The following MACROD1 variants were observed in gnomAD, a reference collection of about 807,000 sequenced individuals.
MACROD1 encodes mono-ADP ribosylhydrolase 1.
In MACROD1, 31 loss-of-function variants were observed where a neutral mutation model predicts 41.4. That is an observed-to-expected ratio of 0.75 (90% CI 0.56 to 1.01). The LOEUF (loss-of-function observed/expected upper bound fraction) is 1.01, where lower values mean the gene tolerates loss of function less well. Among genes scored for constraint, MACROD1 ranks in the 50% least tolerant of loss-of-function variants. MACROD1 has a pLI of 0.00. For missense variants in MACROD1, 473 were observed against 460.0 expected (o/e 1.03, Z -0.26); for synonymous variants, 252 against 203.4 (o/e 1.24, Z -2.03).
At chr11:64,052,352 T>A (rs1056969106) in intron 3 of MACROD1, among the ~76,000 whole-genome samples, 23 of 152,320 alleles carry the variant, frequency 1.5e-4, no homozygotes, top group Non-Finnish European at 1.2e-4. Flanking sequence ...TTTTTAAAAA[T>A]TTTTAAAGAG....
chr11:64,147,907 TA>T (rs1301697743), intron 3 of MACROD1, among the ~76,000 whole-genome samples: 5 of 152,014 alleles, frequency 3.3e-5, no homozygotes, highest in African/African-American at 4.8e-5. Flanking sequence ...CATGCCGTAT[TA>T]TTTTTTTTTT....
chr11:64,050,596 G>T (rs905485429), intron 3 of MACROD1, among the ~76,000 whole-genome samples: 2 of 152,184 alleles, frequency 1.3e-5, no homozygotes, highest in African/African-American at 4.8e-5. Context: ...ACACAGTGAG[G>T]GCTGTCCAGC....
At chr11:64,148,033 C>T (rs1945520419) in intron 3 of MACROD1, among the ~76,000 whole-genome samples, 1 of 152,114 alleles carries the variant, frequency 6.6e-6, no homozygotes, top group African/African-American at 2.4e-5. Flanking sequence ...GCTACTACGT[C>T]CCGCCCAGGG....
intron 3 of MACROD1, among the ~76,000 whole-genome samples, chr11:64,071,888 G>A (rs1227471799): frequency 6.6e-6 from 1 of 152,172 alleles, no homozygotes; most frequent in African/African-American, 2.4e-5. Context: ...GCCCTGGGAG[G>A]GCGCCTCAAG....
intron 10 of MACROD1, 41 bp from the exon 11 acceptor site, chr11:63,998,728 C>G: frequency 7.1e-7 from 1 of 1,413,286 alleles, no homozygotes; most frequent in Non-Finnish European, 9.2e-7. Context: ...TGGGCGTCCC[C>G]GACCTCCCAG....
In MACROD1 at chr11:64,165,822, G is replaced by C. The variant is rs975607214; in HGVS notation, c.173C>G (p.Ser58Trp). 6.7e-7 allele frequency: 1 copy of C among 1,482,960 alleles called. No homozygotes were observed. Among genetic ancestry groups the C allele is most frequent in the Middle Eastern group, 2.0e-4 (1 of 5,006 alleles). 91.9% of individuals were successfully genotyped at this position (1,482,960 alleles called of 1,614,324 possible). The change falls in exon 1 of 11, where the codon TCG becomes TGG. Residue 58 changes from serine (S) to tryptophan (W), a missense_variant. Ser to Trp is a radical substitution (Grantham distance 177). Coordinates refer to ENST00000255681, the MANE Select transcript of MACROD1 (RefSeq NM_014067.4). ...LGVFGRRART[S>W]AGVGAWGAAA... Reference sequence around the variant, plus strand: ...CGCCCCCCACGCCCCAACTCCCGCCGAGGTCCGCGCACGGCGGCCGAACAC... The same window carrying C: ...CGCCCCCCACGCCCCAACTCCCGCCCAGGTCCGCGCACGGCGGCCGAACAC...
chr11:64,048,929 A>G (rs920806069), intron 3 of MACROD1, among the ~76,000 whole-genome samples: 14 of 151,756 alleles, frequency 9.2e-5, no homozygotes, highest in East Asian at 1.9e-4. Context: ...CAGACCCTCA[A>G]AGCAGTCTGG....
intron 3 of MACROD1, chr11:64,117,691 C>G: frequency 6.2e-7 from 1 of 1,613,598 alleles, no homozygotes; most frequent in Non-Finnish European, 8.5e-7. Flanking sequence ...GGCCACAGCC[C>G]AGCCGTGGGC....
chr11:64,054,811 A>G (rs1363365158), intron 3 of MACROD1, among the ~76,000 whole-genome samples: 7 of 151,888 alleles, frequency 4.6e-5, no homozygotes, highest in Non-Finnish European at 1.0e-4. Context: ...TGTCTCCTCA[A>G]GTGGCCACCC....
intron 4 of MACROD1, among the ~76,000 whole-genome samples, chr11:64,002,596 T>C (rs750642963): frequency 2.6e-5 from 4 of 152,126 alleles, no homozygotes; most frequent in Non-Finnish European, 4.4e-5. Context: ...CTGGCCCCTC[T>C]TGCCTGCGTG....
At chr11:64,078,766 C>A (rs914541278) in intron 3 of MACROD1, among the ~76,000 whole-genome samples, 9 of 151,898 alleles carry the variant, frequency 5.9e-5, no homozygotes, top group Non-Finnish European at 8.8e-5. Context: ...ACAAGGAAAC[C>A]CAAAAGACGG....
intron 3 of MACROD1, among the ~76,000 whole-genome samples, chr11:64,073,913 G>C (rs1944154454): frequency 6.6e-6 from 1 of 152,208 alleles, no homozygotes; most frequent in African/African-American, 2.4e-5. Context: ...GGGGTTGAAG[G>C]GTTGGTTGGG....
intron 3 of MACROD1, among the ~76,000 whole-genome samples, chr11:64,058,587 G>A (rs113828006): frequency 6.6e-6 from 1 of 152,258 alleles, no homozygotes; most frequent in African/African-American, 2.4e-5. Flanking sequence ...TGGAGGAGCC[G>A]GCAGCTGCCG....
intron 3 of MACROD1, among the ~76,000 whole-genome samples, chr11:64,083,902 C>A (rs768713306): frequency 6.6e-6 from 1 of 152,190 alleles, no homozygotes; most frequent in African/African-American, 2.4e-5. Flanking sequence ...TGCAGGCGGG[C>A]GTGCGGCCGG....
intron 3 of MACROD1, among the ~76,000 whole-genome samples, chr11:64,134,647 C>G (rs1447160892): frequency 6.6e-6 from 1 of 152,148 alleles, no homozygotes; most frequent in Non-Finnish European, 1.5e-5. Flanking sequence ...ACCTGCCTCC[C>G]CGGCTGCGCC....
intron 3 of MACROD1, among the ~76,000 whole-genome samples, chr11:64,101,049 C>G (rs1201777784): frequency 1.3e-5 from 2 of 152,076 alleles, no homozygotes; most frequent in Non-Finnish European, 1.5e-5. Context: ...CAGGTCCTCC[C>G]TTGAAGCCAG....
chr11:64,015,240 A>C lies in MACROD1; in HGVS notation c.547+12T>G. On this transcript the variant is annotated intron_variant, in intron 4 of 10. Transcript: ENST00000255681. ...CACACCCCACCCCCACCAAGACAGA[A>C]GGTCCACTCACCGCCACCGCCTCCG... 1.3e-6 allele frequency: 2 copies of C among 1,598,712 alleles called. No homozygotes were observed. The highest frequency in any genetic ancestry group is 1.7e-6 in the Non-Finnish European group (2 of 1,172,732).
intron 3 of MACROD1, among the ~76,000 whole-genome samples, chr11:64,048,101 G>A (rs916311777): frequency 3.3e-5 from 5 of 152,174 alleles, no homozygotes; most frequent in Admixed American, 3.3e-4. Context: ...CCTGGCCGGC[G>A]GGAGGCAGTG....
chr11:64,152,945 C>T (rs190482872), intron 1 of MACROD1, among the ~76,000 whole-genome samples: 4 of 152,282 alleles, frequency 2.6e-5, no homozygotes, highest in Non-Finnish European at 5.9e-5. Flanking sequence ...CCCCCGGCAG[C>T]GGCTGAGGGC....
Sources: allele counts gnomAD v4.1 joint callset (sites outside exome capture counted in the v4.1 genomes callset), GRCh38; gene constraint gnomAD v4.1.1; transcripts MANE v1.5; gene names NCBI Gene and HGNC (gene_info 2026-07-23, HGNC 2026-07-21).